The following GLIS3 variants were observed in gnomAD, a reference collection of about 807,000 sequenced individuals.
The protein encoded by GLIS3 is zinc finger protein GLIS3.
Under a neutral mutation model 78.6 loss-of-function variants are expected in GLIS3, and 53 were observed. The ratio of observed to expected loss-of-function variants is 0.67; its 90% CI spans 0.54 to 0.85. The LOEUF is 0.85. Among genes scored for constraint, GLIS3 ranks in the 40% least tolerant of loss-of-function variants. GLIS3 has a pLI of 0.00. For missense variants in GLIS3, 1,703 were observed against 1,231.1 expected (o/e 1.38, Z -5.74); for synonymous variants, 684 against 509.9 (o/e 1.34, Z -4.60).
chr9:3,888,583 A>G (rs1822228637), intron 7 of GLIS3, among the ~76,000 whole-genome samples: 1 of 152,232 alleles, frequency 6.6e-6, no homozygotes, highest in African/African-American at 2.4e-5. Context: ...GAATTACGCT[A>G]TAGCGAGGAG....
At chr9:4,455,193 C>G in the GLIS3 span, among the ~76,000 whole-genome samples, 86,623 of 152,018 alleles carry the variant, frequency 0.57, 25,174 homozygotes, top group South Asian at 0.72. Context: ...TCTTTCACAT[C>G]GGTGAGTCCA....
intron 4 of GLIS3, among the ~76,000 whole-genome samples, chr9:4,060,082 G>A (rs1034981481): frequency 3.9e-5 from 6 of 151,952 alleles, no homozygotes; most frequent in Non-Finnish European, 5.9e-5. Context: ...ACTCATGTGA[G>A]CCCATTTGGT....
At chr9:4,041,079 A>C (rs1421339798) in intron 4 of GLIS3, among the ~76,000 whole-genome samples, 2 of 152,218 alleles carry the variant, frequency 1.3e-5, no homozygotes, top group Non-Finnish European at 2.9e-5. Context: ...TGTTCATTAC[A>C]CAGGACATCT....
At chr9:4,484,630 T>A in the GLIS3 span, among the ~76,000 whole-genome samples, 1 of 151,962 alleles carries the variant, frequency 6.6e-6, no homozygotes, top group African/African-American at 2.4e-5. Flanking sequence ...TTGGCCAGGC[T>A]AGGCTCGAAC....
At chr9:3,838,812 A>G (rs1449860712) in intron 9 of GLIS3, among the ~76,000 whole-genome samples, 4 of 152,226 alleles carry the variant, frequency 2.6e-5, no homozygotes, top group African/African-American at 2.4e-5. Flanking sequence ...TTCTTCTCCA[A>G]CACTCGGGAT....
chr9:3,870,083 A>G (rs1460705913), intron 8 of GLIS3, among the ~76,000 whole-genome samples: 1 of 152,356 alleles, frequency 6.6e-6, no homozygotes, highest in Admixed American at 6.5e-5. Context: ...GTAGAGCTAA[A>G]GAACTTTACA....
At chr9:3,953,743 C>A (rs1816851746) in intron 4 of GLIS3, among the ~76,000 whole-genome samples, 1 of 123,370 alleles carries the variant, frequency 8.1e-6, no homozygotes, top group Admixed American at 8.4e-5. Flanking sequence ...GGAATATTGC[C>A]AATGATAATT....
intron 2 of GLIS3, among the ~76,000 whole-genome samples, chr9:4,342,772 G>C (rs1817853338): frequency 6.6e-6 from 1 of 152,140 alleles, no homozygotes; most frequent in Admixed American, 6.5e-5. Context: ...TCTGATTTCA[G>C]CAGTGTTTTG....
At chr9:4,411,094 G>A in the GLIS3 span, among the ~76,000 whole-genome samples, 1 of 152,068 alleles carries the variant, frequency 6.6e-6, no homozygotes, top group East Asian at 1.9e-4. Context: ...AATAATATTA[G>A]TAAACACAAC....
chr9:3,853,336 A>T (rs12353257), intron 9 of GLIS3, among the ~76,000 whole-genome samples: 1 of 151,950 alleles, frequency 6.6e-6, no homozygotes, highest in South Asian at 2.1e-4. Flanking sequence ...GGGGAAAATA[A>T]TGGGTAGATC....
the GLIS3 span, among the ~76,000 whole-genome samples, chr9:4,447,958 C>T: frequency 1.3e-5 from 2 of 152,034 alleles, no homozygotes; most frequent in Non-Finnish European, 2.9e-5. Flanking sequence ...CAATATGTTG[C>T]CCAGACTGGT....
intron 2 of GLIS3, among the ~76,000 whole-genome samples, chr9:4,325,121 C>A (rs1263404131): frequency 6.6e-6 from 1 of 152,150 alleles, no homozygotes; most frequent in African/African-American, 2.4e-5. Flanking sequence ...GGACCTGAAC[C>A]CAACTGGTAT....
the GLIS3 span, among the ~76,000 whole-genome samples, chr9:4,378,640 G>C: frequency 6.6e-6 from 1 of 152,140 alleles, no homozygotes; most frequent in Non-Finnish European, 1.5e-5. Flanking sequence ...TTCCATTTTG[G>C]TTGGTGCAAT....
intron 2 of GLIS3, among the ~76,000 whole-genome samples, chr9:4,209,411 G>C (rs1483783202): frequency 6.6e-6 from 1 of 152,132 alleles, no homozygotes; most frequent in Admixed American, 6.6e-5. Flanking sequence ...AAACGTCTTG[G>C]AATCTGTACA....
intron 2 of GLIS3, among the ~76,000 whole-genome samples, chr9:4,209,743 G>A (rs1046774970): frequency 6.6e-6 from 1 of 151,990 alleles, no homozygotes; most frequent in South Asian, 2.1e-4. Flanking sequence ...TTGTTGTGGG[G>A]GTTATTCTGT....
At chr9:4,361,646 T>A in the GLIS3 span, among the ~76,000 whole-genome samples, 1 of 152,228 alleles carries the variant, frequency 6.6e-6, no homozygotes, top group Non-Finnish European at 1.5e-5. Context: ...GGTCTCCACA[T>A]TTCTACCCTA....
At chr9:4,385,116 G>C in the GLIS3 span, among the ~76,000 whole-genome samples, 1,514 of 152,312 alleles carry the variant, frequency 9.9e-3, 31 homozygotes, top group African/African-American at 0.034. Flanking sequence ...ACACTCCTCA[G>C]AACAGTTTAC....
chr9:4,044,092 C>A (rs796754698), intron 4 of GLIS3, among the ~76,000 whole-genome samples: 17 of 152,324 alleles, frequency 1.1e-4, no homozygotes, highest in African/African-American at 4.1e-4. Flanking sequence ...CAGACACCTT[C>A]AGTGTCCCAG....
the GLIS3 span, among the ~76,000 whole-genome samples, chr9:4,424,359 T>C: frequency 6.6e-6 from 1 of 152,194 alleles, no homozygotes; most frequent in Admixed American, 6.5e-5. Context: ...TTAAGCCCTC[T>C]TGAAGCTGTA....
Sources: allele counts gnomAD v4.1 joint callset (sites outside exome capture counted in the v4.1 genomes callset), GRCh38; gene constraint gnomAD v4.1.1; transcripts MANE v1.5; gene names NCBI Gene and HGNC (gene_info 2026-07-23, HGNC 2026-07-21).